The following TENM2 variants were observed in gnomAD, a reference collection of about 807,000 sequenced individuals.
TENM2 encodes the protein teneurin transmembrane protein 2.
In TENM2, 52 loss-of-function variants were observed where a neutral mutation model predicts 245.2. The observed-to-expected ratio is 0.21, with a 90% confidence interval of 0.17 to 0.27. The LOEUF is 0.27. Ranked by LOEUF, TENM2 falls within the 10% of genes least tolerant of loss-of-function variation. The pLI is 1.00. For missense variants in TENM2, 3,046 were observed against 3,666.8 expected (o/e 0.83, Z 4.37); for synonymous variants, 1,363 against 1,438.9 (o/e 0.95, Z 1.19).
chr5:167,896,583 A>C (rs970950580), intron 3 of TENM2, among the ~76,000 whole-genome samples: 3 of 152,220 alleles, frequency 2.0e-5, no homozygotes, highest in Non-Finnish European at 2.9e-5. Flanking sequence ...CTCTAGGAAG[A>C]GAAATAAAAC....
chr5:167,024,612 G>T, the TENM2 span, among the ~76,000 whole-genome samples: 10 of 152,134 alleles, frequency 6.6e-5, no homozygotes, highest in African/African-American at 2.4e-4. Flanking sequence ...GTAGGGATCT[G>T]CATTAAGAGC....
At chr5:168,194,611 C>CTA (rs1031377759) in intron 14 of TENM2, among the ~76,000 whole-genome samples, 2 of 151,956 alleles carry the variant, frequency 1.3e-5, no homozygotes, top group Admixed American at 6.6e-5. Flanking sequence ...AAGGGTTTTG[C>CTA]TATATATATC....
At chr5:168,075,833 G>A (rs1041901762) in intron 7 of TENM2, among the ~76,000 whole-genome samples, 7 of 152,306 alleles carry the variant, frequency 4.6e-5, no homozygotes, top group African/African-American at 1.7e-4. Flanking sequence ...GAGAAGTAAA[G>A]GCACATCTAC....
chr5:167,367,162 T>C (rs1247879141), intron 1 of TENM2, among the ~76,000 whole-genome samples: 1 of 152,182 alleles, frequency 6.6e-6, no homozygotes, highest in Admixed American at 6.5e-5. Context: ...CTGGAAACTC[T>C]TCTGTCTTCA....
the TENM2 span, among the ~76,000 whole-genome samples, chr5:167,271,337 AG>A: frequency 6.6e-6 from 1 of 152,050 alleles, no homozygotes; most frequent in Admixed American, 6.6e-5. Flanking sequence ...CATGTGGGGA[AG>A]GTGGAGCTGA....
At chr5:167,610,114 C>T (rs1490932531) in intron 2 of TENM2, among the ~76,000 whole-genome samples, 5 of 151,974 alleles carry the variant, frequency 3.3e-5, no homozygotes, top group Non-Finnish European at 7.4e-5. Context: ...TTACATTTAC[C>T]CATTTATTGT....
chr5:167,540,649 A>G (rs991660995), intron 2 of TENM2, among the ~76,000 whole-genome samples: 1 of 152,152 alleles, frequency 6.6e-6, no homozygotes. Flanking sequence ...TGCCACCCCA[A>G]AATTAAAGAT....
Position 167,801,104 on chromosome 5 carries a change from AAAAAAATATATATAT to A in TENM2, c.503-74880_503-74866del, listed in dbSNP as rs1428800241. Among the ~76,000 whole-genome samples, 370 of 64,092 alleles carry A rather than the reference AAAAAAATATATATAT, an allele frequency of 5.8e-3. 2 individuals are homozygous for A. The highest frequency in any genetic ancestry group is 8.3e-3 in the South Asian group (12 of 1,438). The allele number at this position is 64,092 out of a possible 152,430, so 42.0% of individuals were successfully genotyped here. ...TGAATGTATTTGAAAAGAAAAAAAA[AAAAAAATATATATAT>A]ATATATATATATATATATATATATA... On this transcript the variant is annotated intron_variant, in intron 2 of 28. Transcript: ENST00000518659.
intron 2 of TENM2, among the ~76,000 whole-genome samples, chr5:167,689,277 T>C (rs1325011942): frequency 6.6e-6 from 1 of 152,278 alleles, no homozygotes; most frequent in African/African-American, 2.4e-5. Flanking sequence ...TCTAAAACAG[T>C]GTCAGCCAGG....
chr5:167,835,455 T>C (rs1768903049), intron 2 of TENM2, among the ~76,000 whole-genome samples: 1 of 152,188 alleles, frequency 6.6e-6, no homozygotes, highest in Admixed American at 6.5e-5. Flanking sequence ...ATAAACCCAT[T>C]CCTTTAATCC....
the TENM2 span, among the ~76,000 whole-genome samples, chr5:167,128,133 C>T: frequency 4.4e-3 from 675 of 152,250 alleles, 11 homozygotes; most frequent in African/African-American, 0.016. Flanking sequence ...TGAGCAAAAA[C>T]GCAGCGCTCT....
At chr5:167,439,382 T>C (rs62388830) in intron 2 of TENM2, among the ~76,000 whole-genome samples, 58,154 of 152,030 alleles carry the variant, frequency 0.38, 12,809 homozygotes, top group Middle Eastern at 0.55. Context: ...GATTTGATGA[T>C]TGAACAACTG....
In TENM2 at chr5:168,134,925, A is replaced by C. The variant is rs553074318; in HGVS notation, c.2422+7959A>C. On this transcript the variant is annotated intron_variant, in intron 12 of 28. Transcript: ENST00000518659. Reference sequence around the variant, plus strand: ...AGATGGCCTCATTGACTGTATGTAGAAGAAGGAAGCTGGCATTTCTCAAGT... The same window carrying C: ...AGATGGCCTCATTGACTGTATGTAGCAGAAGGAAGCTGGCATTTCTCAAGT... Among the ~76,000 whole-genome samples the C allele has an allele frequency of 2.6e-5, 4 of 152,292 alleles. No homozygotes were observed. In the South Asian group the frequency reaches 6.2e-4, roughly 24 times the overall value.
intron 2 of TENM2, among the ~76,000 whole-genome samples, chr5:167,751,221 A>G (rs1582911290): frequency 6.6e-6 from 1 of 151,874 alleles, no homozygotes; most frequent in Admixed American, 6.6e-5. Context: ...AGAGGTAAGA[A>G]CCCTATGGAC....
At chr5:167,603,334 C>T (rs1335810338) in intron 2 of TENM2, among the ~76,000 whole-genome samples, 1 of 152,096 alleles carries the variant, frequency 6.6e-6, no homozygotes, top group East Asian at 1.9e-4. Context: ...ATATCACAGA[C>T]CATTTCTGGG....
chr5:167,115,301 T>TA, the TENM2 span, among the ~76,000 whole-genome samples: 6 of 152,244 alleles, frequency 3.9e-5, no homozygotes, highest in African/African-American at 1.2e-4. Context: ...AATTCAGCTT[T>TA]AAAAAAATAT....
intron 3 of TENM2, among the ~76,000 whole-genome samples, chr5:167,919,239 G>A (rs1229746141): frequency 1.3e-5 from 2 of 152,180 alleles, no homozygotes; most frequent in African/African-American, 2.4e-5. Context: ...ACACAGAGGA[G>A]CAGTCATTTT....
At chr5:167,897,751 A>T (rs946263306) in intron 3 of TENM2, among the ~76,000 whole-genome samples, 1 of 152,218 alleles carries the variant, frequency 6.6e-6, no homozygotes, top group African/African-American at 2.4e-5. Context: ...TCCTTATTTT[A>T]GAAGAAAGAT....
At chr5:168,249,576 G>A (rs1416100826) in intron 27 of TENM2, among the ~76,000 whole-genome samples, 4 of 152,116 alleles carry the variant, frequency 2.6e-5, no homozygotes, top group African/African-American at 7.2e-5. Flanking sequence ...CGGCAGAAGT[G>A]AGCTCAAGGC....
Sources: gnomAD v4.1 joint callset for allele counts (sites outside exome capture counted in the v4.1 genomes callset) on GRCh38, gnomAD v4.1.1 for gene constraint, MANE v1.5 for transcripts, NCBI Gene and HGNC (gene_info 2026-07-23, HGNC 2026-07-21) for gene names.